The following KCND2 variants were observed in gnomAD, a reference collection of about 807,000 sequenced individuals.
KCND2 encodes A-type voltage-gated potassium channel KCND2.
A neutral mutation model predicts 54.4 loss-of-function variants in KCND2; 16 were observed. The observed-to-expected ratio is 0.29, with a 90% CI of 0.20 to 0.45. The LOEUF (loss-of-function observed/expected upper bound fraction) is 0.45, where lower values mean the gene tolerates loss of function less well. Ranked by LOEUF, KCND2 falls within the 20% of genes least tolerant of loss-of-function variation. The probability of loss-of-function intolerance (pLI) is 1.00; values close to 1 mark genes in which losing one functional copy is unlikely to be tolerated. For missense variants in KCND2, 486 were observed against 824.2 expected (o/e 0.59, Z 5.02); for synonymous variants, 317 against 310.7 (o/e 1.02, Z -0.21).
intron 1 of KCND2, among the ~76,000 whole-genome samples, chr7:120,430,731 A>G (rs1392250971): frequency 6.6e-6 from 1 of 152,182 alleles, no homozygotes; most frequent in Non-Finnish European, 1.5e-5. Flanking sequence ...ATTCACATAC[A>G]TTATCAAAAC....
At chr7:120,606,347 C>A (rs1223614080) in intron 1 of KCND2, among the ~76,000 whole-genome samples, 1 of 152,078 alleles carries the variant, frequency 6.6e-6, no homozygotes, top group Non-Finnish European at 1.5e-5. Flanking sequence ...CTTTTCATTT[C>A]TTTGTCCTTT....
intron 1 of KCND2, among the ~76,000 whole-genome samples, chr7:120,469,107 G>C (rs1298064239): frequency 2.0e-5 from 3 of 151,982 alleles, no homozygotes; most frequent in Non-Finnish European, 2.9e-5. Context: ...AAATTAAATT[G>C]AAAACTTACT....
At chr7:120,694,863 G>A (rs896665832) in intron 1 of KCND2, among the ~76,000 whole-genome samples, 9 of 152,098 alleles carry the variant, frequency 5.9e-5, no homozygotes, top group Middle Eastern at 3.2e-3. Context: ...CTTTGCTCCA[G>A]GTTGGAATAC....
chr7:120,585,191 TA>T (rs1373919228), intron 1 of KCND2, among the ~76,000 whole-genome samples: 5 of 150,620 alleles, frequency 3.3e-5, no homozygotes, highest in African/African-American at 9.9e-5. Flanking sequence ...TTTTTTTTTT[TA>T]AAGAAAATCT....
intron 1 of KCND2, among the ~76,000 whole-genome samples, chr7:120,430,690 C>G (rs1199767880): frequency 6.6e-6 from 1 of 152,100 alleles, no homozygotes; most frequent in African/African-American, 2.4e-5. Context: ...ACTTCCTTTC[C>G]CAACTACATA....
chr7:120,582,262 A>T (rs1396391653), intron 1 of KCND2, among the ~76,000 whole-genome samples: 5 of 152,134 alleles, frequency 3.3e-5, no homozygotes, highest in African/African-American at 1.2e-4. Context: ...ATTTTTTTTA[A>T]AAATCAAGTA....
chr7:120,455,213 G>T (rs778267563), intron 1 of KCND2, among the ~76,000 whole-genome samples: 9 of 151,792 alleles, frequency 5.9e-5, no homozygotes, highest in Non-Finnish European at 1.2e-4. Flanking sequence ...AACCAAAAAA[G>T]AACCTGAATA....
chr7:120,575,254 C>T lies in KCND2; in HGVS notation c.1116-157649C>T, dbSNP rs1584834738. On this transcript the variant is annotated intron_variant, in intron 1 of 5. Transcript: ENST00000331113. ...AAAACCTCAAAAGTAGGGAAGCCAACAGTGCAGCCTTCAGTCTATGGTCAA... is the reference window on the plus strand; with the variant it reads ...AAAACCTCAAAAGTAGGGAAGCCAATAGTGCAGCCTTCAGTCTATGGTCAA... Among the ~76,000 whole-genome samples the T allele has an allele frequency of 3.3e-5, 5 of 152,274 alleles. No individual in the cohort carries two copies. The East Asian group carries it at 5.8e-4, about 18-fold the overall frequency.
chr7:120,466,317 G>C (rs1041082075), intron 1 of KCND2, among the ~76,000 whole-genome samples: 1 of 152,036 alleles, frequency 6.6e-6, no homozygotes, highest in Non-Finnish European at 1.5e-5. Flanking sequence ...GTTCAATGAA[G>C]GAGTAAAATA....
chr7:120,410,907 T>C (rs575599484), intron 1 of KCND2, among the ~76,000 whole-genome samples: 1 of 151,978 alleles, frequency 6.6e-6, no homozygotes, highest in African/African-American at 2.4e-5. Flanking sequence ...TAGCATTCCA[T>C]GGTGTATATG....
intron 1 of KCND2, among the ~76,000 whole-genome samples, chr7:120,289,435 A>G (rs1398351842): frequency 6.6e-6 from 1 of 152,090 alleles, no homozygotes; most frequent in East Asian, 1.9e-4. Context: ...TAGTTAAAAT[A>G]AAAAGGAACC....
intron 1 of KCND2, among the ~76,000 whole-genome samples, chr7:120,369,365 T>C (rs1383026123): frequency 1.3e-5 from 2 of 152,064 alleles, no homozygotes; most frequent in Admixed American, 1.3e-4. Context: ...AAAGATACTA[T>C]TTTAATCTTC....
intron 1 of KCND2, among the ~76,000 whole-genome samples, chr7:120,637,401 A>C (rs1793318855): frequency 6.6e-6 from 1 of 152,168 alleles, no homozygotes; most frequent in African/African-American, 2.4e-5. Flanking sequence ...TAGGAATTTA[A>C]CCAGACTTAA....
At chr7:120,625,351 T>G (rs1487620580) in intron 1 of KCND2, among the ~76,000 whole-genome samples, 3 of 152,230 alleles carry the variant, frequency 2.0e-5, no homozygotes, top group African/African-American at 7.2e-5. Context: ...TTCACAACTC[T>G]GGATTTTTCT....
At chr7:120,736,823 T>A (rs889603170) in intron 2 of KCND2, among the ~76,000 whole-genome samples, 3 of 151,862 alleles carry the variant, frequency 2.0e-5, no homozygotes, top group African/African-American at 7.2e-5. Flanking sequence ...AAAAAAATTC[T>A]AGTATTATTT....
In KCND2 at chr7:120,431,475, G is replaced by A. The variant is rs894212159; in HGVS notation, c.1115+155728G>A. Among the ~76,000 whole-genome samples the A allele has an allele frequency of 2.6e-5, 4 of 152,270 alleles. No homozygotes were observed. In the East Asian group the frequency reaches 7.7e-4, roughly 29 times the overall value. ...AGAAACATGGTCTCTGTGACATCAG[G>A]GAGTTTAGTGAAGGTGGGCTTGCTG... On this transcript the variant is annotated intron_variant, in intron 1 of 5. Coordinates refer to ENST00000331113, the MANE Select transcript of KCND2 (RefSeq NM_012281.3).
rs569733659 is a variant in KCND2 at position 120,495,238 on chromosome 7, T to A, written c.1115+219491T>A. 3.9e-5 allele frequency among the ~76,000 whole-genome samples: 6 copies of A among 152,330 alleles called. No homozygotes were observed. In the South Asian group the frequency reaches 1.2e-3, roughly 32 times the overall value. On this transcript the variant is annotated intron_variant, in intron 1 of 5. Transcript: ENST00000331113. The stretch of plus-strand genomic sequence containing the variant: ...TAAGAGTAGGTAATTCTGGTTGTTT[T>A]TAGGCACTGCACTGTTTTAAAAATT...
At chr7:120,487,430 AAGAG>A (rs550785766) in intron 1 of KCND2, among the ~76,000 whole-genome samples, 16 of 152,310 alleles carry the variant, frequency 1.1e-4, no homozygotes, top group East Asian at 3.8e-4. Flanking sequence ...GAGGGAGAGA[AAGAG>A]AGACACAGAG....
At chr7:120,411,171 G>A (rs1398387402) in intron 1 of KCND2, among the ~76,000 whole-genome samples, 1 of 151,966 alleles carries the variant, frequency 6.6e-6, no homozygotes, top group African/African-American at 2.4e-5. Context: ...AAAATCTTGA[G>A]TGTTTTAATA....
Sources: gnomAD v4.1 joint callset for allele counts (sites outside exome capture counted in the v4.1 genomes callset) on GRCh38, gnomAD v4.1.1 for gene constraint, MANE v1.5 for transcripts, NCBI Gene and HGNC (gene_info 2026-07-23, HGNC 2026-07-21) for gene names.